The following PAPPA2 variants were observed in gnomAD, a reference collection of about 807,000 sequenced individuals.
The protein encoded by PAPPA2 is pappalysin-2.
A neutral mutation model predicts 176.4 loss-of-function variants in PAPPA2; 86 were observed. That is an observed-to-expected ratio of 0.49 (90% CI 0.41 to 0.58). The LOEUF is 0.58. Ranked by LOEUF, PAPPA2 falls within the 20% of genes least tolerant of loss-of-function variation. The probability of loss-of-function intolerance (pLI) is 0.00; values close to 1 mark genes in which losing one functional copy is unlikely to be tolerated. For missense variants in PAPPA2, 2,073 were observed against 2,256.9 expected (o/e 0.92, Z 1.65); for synonymous variants, 809 against 852.2 (o/e 0.95, Z 0.88).
chr1:176,644,649 G>A (rs1189753354), intron 3 of PAPPA2, among the ~76,000 whole-genome samples: 1 of 151,786 alleles, frequency 6.6e-6, no homozygotes, highest in Non-Finnish European at 1.5e-5. Context: ...CTAGGTTCAA[G>A]TTTCGGCTTT....
intron 1 of PAPPA2, among the ~76,000 whole-genome samples, chr1:176,504,266 C>A (rs1027362055): frequency 6.6e-6 from 1 of 152,044 alleles, no homozygotes; most frequent in African/African-American, 2.4e-5. Context: ...ATGAATATTT[C>A]TCTGAATTTA....
Position 176,616,719 on chromosome 1 carries a change from T to C in PAPPA2, c.1991+21124T>C, listed in dbSNP as rs1655283429. On this transcript the variant is annotated intron_variant, in intron 3 of 22. Transcript: ENST00000367662. ...TTTATTTAAGGTCACATTGGTTGGA[T>C]TGTGTGTAATAGGAAATCTCATGTT... 1.5e-5 allele frequency: 22 copies of C among 1,422,792 alleles called. No homozygotes were observed. The Admixed American group carries it at 3.8e-4, about 24-fold the overall frequency. The allele number at this position is 1,422,792 out of a possible 1,614,324, so 88.1% of individuals were successfully genotyped here.
intron 21 of PAPPA2, among the ~76,000 whole-genome samples, chr1:176,801,544 A>G (rs528918547): frequency 1.3e-5 from 2 of 152,268 alleles, no homozygotes; most frequent in South Asian, 4.1e-4. Context: ...GTGTGGGCCA[A>G]CAAAACAGCT....
chr1:176,563,515 G>T (rs1263308443), intron 2 of PAPPA2, among the ~76,000 whole-genome samples: 2 of 152,218 alleles, frequency 1.3e-5, no homozygotes, highest in Non-Finnish European at 2.9e-5. Context: ...CACCCATGTT[G>T]GTTATGTGTT....
At chr1:176,531,253 C>T (rs553804949) in intron 1 of PAPPA2, among the ~76,000 whole-genome samples, 4 of 152,144 alleles carry the variant, frequency 2.6e-5, no homozygotes, top group Non-Finnish European at 4.4e-5. Flanking sequence ...TAAGTCAGTC[C>T]AGCTTGCTCC....
chr1:176,754,082 G>T (rs745361389), intron 14 of PAPPA2, among the ~76,000 whole-genome samples: 4 of 150,970 alleles, frequency 2.6e-5, no homozygotes, highest in Non-Finnish European at 5.9e-5. Context: ...CCATGGACAT[G>T]GTCTTTTGGG....
At chr1:176,597,063 G>T (rs1206989471) in intron 3 of PAPPA2, among the ~76,000 whole-genome samples, 1 of 152,124 alleles carries the variant, frequency 6.6e-6, no homozygotes. Context: ...CCTGTGTGTG[G>T]GGAGTCCTCT....
chr1:176,669,376 A>C (rs1260106615), intron 3 of PAPPA2, among the ~76,000 whole-genome samples: 4 of 151,728 alleles, frequency 2.6e-5, no homozygotes, highest in Non-Finnish European at 5.9e-5. Context: ...CATGTTGAAG[A>C]CTCACTTGAT....
chr1:176,480,340 C>T (rs1652334992), intron 1 of PAPPA2, among the ~76,000 whole-genome samples: 3 of 152,196 alleles, frequency 2.0e-5, no homozygotes, highest in African/African-American at 7.2e-5. Flanking sequence ...AGGGCCGCTC[C>T]ATGGCTTTTG....
chr1:176,564,167 T>G (rs1415137132), intron 2 of PAPPA2, among the ~76,000 whole-genome samples: 1 of 152,202 alleles, frequency 6.6e-6, no homozygotes, highest in Non-Finnish European at 1.5e-5. Flanking sequence ...GTTCAATAGG[T>G]CTGGGGCAGC....
intron 1 of PAPPA2, among the ~76,000 whole-genome samples, chr1:176,527,120 A>C (rs1649539669): frequency 6.6e-6 from 1 of 152,158 alleles, no homozygotes; most frequent in Admixed American, 6.5e-5. Flanking sequence ...CTTGAATAAA[A>C]CTATTTAAAC....
At chr1:176,794,037 G>A (rs556219683) in intron 20 of PAPPA2, among the ~76,000 whole-genome samples, 2 of 152,028 alleles carry the variant, frequency 1.3e-5, no homozygotes, top group Non-Finnish European at 1.5e-5. Context: ...GCAACAGAGC[G>A]AGACTCCATC....
chr1:176,754,257 G>A (rs1443373952), intron 14 of PAPPA2, among the ~76,000 whole-genome samples: 1 of 152,138 alleles, frequency 6.6e-6, no homozygotes. Flanking sequence ...ACTTAGGGTT[G>A]AGGTCCACCC....
chr1:176,764,650 G>A (rs956542416), intron 14 of PAPPA2, among the ~76,000 whole-genome samples: 2 of 149,756 alleles, frequency 1.3e-5, no homozygotes, highest in African/African-American at 5.0e-5. Context: ...AGGCTGGAGT[G>A]CAGTGGCGAG....
rs77386202 is a variant in PAPPA2 at position 176,720,790 on chromosome 1, C to T, written c.3798+8809C>T. The stretch of plus-strand genomic sequence containing the variant: ...CATGACTCAGTCCAAGTCCAAAAGC[C>T]TCAGAACCAAGGAAGCCAATGGCAT... On this transcript the variant is annotated intron_variant, in intron 12 of 22. Coordinates refer to ENST00000367662, the MANE Select transcript of PAPPA2 (RefSeq NM_020318.3). Among the ~76,000 whole-genome samples the T allele has an allele frequency of 9.0e-3, 1,365 of 152,190 alleles. 8 individuals carry two copies. Among genetic ancestry groups the T allele is most frequent in the Non-Finnish European group, 0.013 (916 of 68,002 alleles).
intron 1 of PAPPA2, among the ~76,000 whole-genome samples, chr1:176,508,108 C>G (rs1305926326): frequency 2.0e-5 from 3 of 152,122 alleles, no homozygotes; most frequent in African/African-American, 4.8e-5. Flanking sequence ...TAAAAACAAT[C>G]TTCAAAAAGA....
chr1:176,803,454 G>T (rs960268229), intron 21 of PAPPA2, among the ~76,000 whole-genome samples: 4 of 152,056 alleles, frequency 2.6e-5, no homozygotes, highest in Non-Finnish European at 5.9e-5. Flanking sequence ...GGAAAGGAAA[G>T]GAAAAGAAAA....
chr1:176,797,303 A>T (rs1665486129), intron 20 of PAPPA2, among the ~76,000 whole-genome samples: 1 of 152,222 alleles, frequency 6.6e-6, no homozygotes, highest in Admixed American at 6.5e-5. Flanking sequence ...AAGTTTTCTT[A>T]TCATTATAGC....
chr1:176,485,480 G>A (rs186345119), intron 1 of PAPPA2, among the ~76,000 whole-genome samples: 3 of 152,080 alleles, frequency 2.0e-5, no homozygotes, highest in African/African-American at 7.2e-5. Context: ...TTATTTGCTT[G>A]TATATCACCT....
Sources: gnomAD v4.1 joint callset for allele counts (sites outside exome capture counted in the v4.1 genomes callset) on GRCh38, gnomAD v4.1.1 for gene constraint, MANE v1.5 for transcripts, NCBI Gene and HGNC (gene_info 2026-07-23, HGNC 2026-07-21) for gene names.